Variants in USP6NL observed in about 807,000 individuals in gnomAD.
USP6NL encodes USP6 N-terminal-like protein.
Under a neutral mutation model 61.9 loss-of-function variants are expected in USP6NL, and 26 were observed. The ratio of observed to expected loss-of-function variants is 0.42; its 90% confidence interval spans 0.31 to 0.58. USP6NL has a LOEUF of 0.58. Ranked by LOEUF, USP6NL falls within the 20% of genes least tolerant of loss-of-function variation. USP6NL has a pLI of 0.16. For missense variants in USP6NL, 1,114 were observed against 1,034.3 expected, an observed-to-expected ratio of 1.08 and a Z score of -1.06; for synonymous variants, 432 against 390.1, an observed-to-expected ratio of 1.11 and a Z score of -1.27.
At chr10:11,536,608 A>G (rs1403671537) in intron 2 of USP6NL, among the ~76,000 whole-genome samples, 1 of 152,210 alleles carries the variant, frequency 6.6e-6, no homozygotes, top group Non-Finnish European at 1.5e-5. Context: ...GTGTATATTC[A>G]GGACAATGTC....
chr10:11,533,167 A>T (rs1327882298), intron 2 of USP6NL, among the ~76,000 whole-genome samples: 2 of 152,200 alleles, frequency 1.3e-5, no homozygotes, highest in Non-Finnish European at 2.9e-5. Flanking sequence ...GAGAGGGGGA[A>T]AATTTCTCAA....
rs1833221881 is a variant in USP6NL, at chr10:11,482,061, ACAT to A, written c.926-142_926-140del. On this transcript the variant is annotated intron_variant, in intron 13 of 14. Transcript: ENST00000609104. The surrounding 1 kb of genome is among the most constrained non-coding windows in gnomAD (Gnocchi z 4.0). The stretch of plus-strand genomic sequence containing the variant: ...ATACAACTTACATATGGCATTGAGG[ACAT>A]CATTAAAACTCAGTAAGACAAAAAT... 1.2e-6 allele frequency: 1 copy of A among 833,858 alleles called. No individual in the cohort carries two copies. Among genetic ancestry groups the A allele is most frequent in the Non-Finnish European group, 1.7e-6 (1 of 578,122 alleles). 51.7% of individuals were successfully genotyped at this position (833,858 alleles called of 1,614,324 possible).
chr10:11,609,519 C>T (rs185707925), intron 1 of USP6NL, among the ~76,000 whole-genome samples: 116 of 152,316 alleles, frequency 7.6e-4, no homozygotes, highest in African/African-American at 2.6e-3. Flanking sequence ...TCACTTGTCT[C>T]GTTCTCGCTA....
rs993657742 is a variant in USP6NL, at chr10:11,485,687, A to G, written c.759+130T>C. On this transcript the variant is annotated intron_variant, in intron 11 of 14. Coordinates refer to ENST00000609104, the MANE Select transcript of USP6NL (RefSeq NM_014688.5). The surrounding 1 kb of genome is among the most constrained non-coding windows in gnomAD (Gnocchi z 4.8). ...AATGGTTTGTAAACAACTGGGAATT[A>G]TAACTGCATAGTAAATGAAATGGAT... 2.2e-5 allele frequency: 14 copies of G among 631,316 alleles called. No individual in the cohort carries two copies. Among genetic ancestry groups the G allele is most frequent in the African/African-American group, 1.1e-4 (6 of 52,468 alleles). The allele number at this position is 631,316 out of a possible 1,614,324, so 39.1% of individuals were successfully genotyped here.
Position 11,592,046 on chromosome 10 carries a change from A to G in USP6NL, c.4+5585T>C, listed in dbSNP as rs1003195480. On this transcript the variant is annotated intron_variant, in intron 2 of 14. Coordinates refer to ENST00000609104, the MANE Select transcript of USP6NL (RefSeq NM_014688.5). This position sits in a 1 kb window ranked among gnomAD's most constrained non-coding sequence, Gnocchi z 4.7. ...CACCATGCCCAGCTAATTTTTTAGTATTTTTAGTAGAGACGGGGTTTCACC... is the reference window on the plus strand; with the variant it reads ...CACCATGCCCAGCTAATTTTTTAGTGTTTTTAGTAGAGACGGGGTTTCACC... 6.6e-6 allele frequency among the ~76,000 whole-genome samples: 1 copy of G among 151,950 alleles called. No individual in the cohort carries two copies. The highest frequency in any genetic ancestry group is 2.4e-5 in the African/African-American group (1 of 41,352).
intron 2 of USP6NL, among the ~76,000 whole-genome samples, chr10:11,535,906 T>G (rs982465426): frequency 3.9e-5 from 6 of 152,204 alleles, no homozygotes; most frequent in Admixed American, 3.9e-4. Flanking sequence ...TTATTTTACA[T>G]GTGGAAATCT....
At position 11,500,329 on chromosome 10, in the gene USP6NL, C is replaced by T. The variant is rs573629657; in HGVS notation, c.384+772G>A. Reference sequence around the variant, plus strand: ...CGTCCTGCACATGTGTACCCCTGAACTTAAAATAAAAGTTGAAGAAAAAAA... The same window carrying T: ...CGTCCTGCACATGTGTACCCCTGAATTTAAAATAAAAGTTGAAGAAAAAAA... On this transcript the variant is annotated intron_variant, in intron 7 of 14. Coordinates refer to ENST00000609104, the MANE Select transcript of USP6NL (RefSeq NM_014688.5). Among the ~76,000 whole-genome samples the T allele has an allele frequency of 2.6e-5, 4 of 151,778 alleles. No individual in the cohort carries two copies. In the South Asian group the frequency reaches 8.4e-4, roughly 32 times the overall value.
At chr10:11,501,261 A>G (rs1010457793) in intron 6 of USP6NL, 53 bp from the exon 7 acceptor site, 2 of 1,341,124 alleles carry the variant, frequency 1.5e-6, no homozygotes, top group African/African-American at 2.9e-5. Context: ...AACTTAGATT[A>G]GTCTCTACAG....
rs1330138145 is a variant in USP6NL, at chr10:11,468,916, A to G, written c.1079-5067T>C. 1.2e-4 allele frequency among the ~76,000 whole-genome samples: 18 copies of G among 152,242 alleles called. No individual in the cohort carries two copies. Among genetic ancestry groups the G allele is most frequent in the Admixed American group, 1.2e-3 (18 of 15,286 alleles). ...CAGGCACAAAACAAAATGCAAAGGT[A>G]TGTGTCATACATACGTAGGAGATTT... On this transcript the variant is annotated intron_variant, in intron 14 of 14. Coordinates refer to ENST00000609104, the MANE Select transcript of USP6NL (RefSeq NM_014688.5). This position sits in a 1 kb window ranked among gnomAD's most constrained non-coding sequence, Gnocchi z 4.5.
In USP6NL at chr10:11,587,003, C is replaced by T. The variant is rs1282659685; in HGVS notation, c.4+10628G>A. Among the ~76,000 whole-genome samples the T allele has an allele frequency of 1.3e-5, 2 of 152,080 alleles. No individual in the cohort carries two copies. Among genetic ancestry groups the T allele is most frequent in the Non-Finnish European group, 2.9e-5 (2 of 68,010 alleles). ...CAACCTCCCTGTGAGGACAGATTCC[C>T]TTGCTCCTGCAGGAGCAAGGACTCC... On this transcript the variant is annotated intron_variant, in intron 2 of 14. Coordinates refer to ENST00000609104, the MANE Select transcript of USP6NL (RefSeq NM_014688.5). The surrounding 1 kb of genome is among the most constrained non-coding windows in gnomAD (Gnocchi z 4.5).
rs1447044997 is a variant in USP6NL at position 11,485,176 on chromosome 10, A to C, written c.818T>G (p.Leu273Arg). ...TTGTAAATAAATACTTACACGATCA[A>C]GGAAACACTGAAAAAACCATTTCAT... is the stretch of plus-strand genomic sequence containing the variant. ...YTMKWFFQCF[L>R]DRTPFTLNLR... The change falls in exon 12 of 15, where the codon CTT becomes CGT. Residue 273 changes from leucine to arginine, a missense_variant. Leu to Arg is a moderately radical substitution (Grantham distance 102). Transcript: ENST00000609104. This position sits in a 1 kb window ranked among gnomAD's most constrained non-coding sequence, Gnocchi z 4.8. 8 of 1,540,144 alleles carry C rather than the reference A, an allele frequency of 5.2e-6. No homozygotes were observed. The African/African-American group carries it at 5.5e-5, about 11-fold the overall frequency.
intron 2 of USP6NL, among the ~76,000 whole-genome samples, chr10:11,549,700 T>TAAC (rs1245717993): frequency 6.6e-6 from 1 of 152,242 alleles, no homozygotes; most frequent in Non-Finnish European, 1.5e-5. Flanking sequence ...AATATGTTTC[T>TAAC]AATTCATTTT....
chr10:11,588,591 A>C (rs1838055758), intron 2 of USP6NL, among the ~76,000 whole-genome samples: 1 of 152,238 alleles, frequency 6.6e-6, no homozygotes, highest in Admixed American at 6.5e-5. Context: ...TCATCTGCTG[A>C]GAAGAGACAC....
chr10:11,506,842 T>C (rs1436615352), intron 6 of USP6NL, among the ~76,000 whole-genome samples: 1 of 151,992 alleles, frequency 6.6e-6, no homozygotes, highest in Non-Finnish European at 1.5e-5. Flanking sequence ...ATTACTACTA[T>C]ATAAGTAAGG....
chr10:11,588,575 A>G (rs1838055421), intron 2 of USP6NL, among the ~76,000 whole-genome samples: 1 of 152,226 alleles, frequency 6.6e-6, no homozygotes, highest in Admixed American at 6.5e-5. Flanking sequence ...AGTAGATGTA[A>G]GAATTTCATC....
intron 5 of USP6NL, among the ~76,000 whole-genome samples, chr10:11,517,641 G>A (rs1835012420): frequency 6.6e-6 from 1 of 152,192 alleles, no homozygotes; most frequent in Non-Finnish European, 1.5e-5. Context: ...TTCAACTGCA[G>A]GTCTGCCTAT....
Position 11,468,950 on chromosome 10 carries a change from A to G in USP6NL, c.1079-5101T>C, listed in dbSNP as rs1274505441. Among the ~76,000 whole-genome samples, 1 of 152,260 alleles carries G rather than the reference A, an allele frequency of 6.6e-6. No individual in the cohort carries two copies. Among genetic ancestry groups the G allele is most frequent in the Non-Finnish European group, 1.5e-5 (1 of 68,044 alleles). On this transcript the variant is annotated intron_variant, in intron 14 of 14. Coordinates refer to ENST00000609104, the MANE Select transcript of USP6NL (RefSeq NM_014688.5). The surrounding 1 kb of genome is among the most constrained non-coding windows in gnomAD (Gnocchi z 4.5). ...ACATACGTAGGAGATTTAATTTTTTAATATAAGGAGTAAGAAAAATATTTA... is the reference window on the plus strand; with the variant it reads ...ACATACGTAGGAGATTTAATTTTTTGATATAAGGAGTAAGAAAAATATTTA...
At chr10:11,609,908 T>C (rs1838832298) in intron 1 of USP6NL, among the ~76,000 whole-genome samples, 1 of 152,208 alleles carries the variant, frequency 6.6e-6, no homozygotes, top group Non-Finnish European at 1.5e-5. Context: ...CAAAACATTA[T>C]TAAAACTGGT....
At chr10:11,502,065 T>C (rs1168069505) in intron 6 of USP6NL, among the ~76,000 whole-genome samples, 3 of 152,126 alleles carry the variant, frequency 2.0e-5, no homozygotes, top group Non-Finnish European at 2.9e-5. Context: ...GAGACCATCC[T>C]GGCTAACACA....
Sources: allele counts gnomAD v4.1 joint callset (sites outside exome capture counted in the v4.1 genomes callset), GRCh38; gene constraint gnomAD v4.1.1; non-coding constraint Gnocchi (gnomAD v3.1); transcripts MANE v1.5; gene names NCBI Gene and HGNC (gene_info 2026-07-23, HGNC 2026-07-21).